Variants in CREB5 observed in about 807,000 individuals in gnomAD.
CREB5 encodes the protein cAMP responsive element binding protein 5, also known as cyclic AMP-responsive element-binding protein 5.
In CREB5, 19 loss-of-function variants were observed where a neutral mutation model predicts 57.1. The ratio of observed to expected loss-of-function variants is 0.33; its 90% CI spans 0.23 to 0.49. The LOEUF (loss-of-function observed/expected upper bound fraction) is 0.49. Among genes scored for constraint, CREB5 ranks in the 20% least tolerant of loss-of-function variants. The probability of loss-of-function intolerance (pLI) is 0.99; values close to 1 mark genes in which losing one functional copy is unlikely to be tolerated. For synonymous variants in CREB5, 238 were observed against 238.3 expected, an observed-to-expected ratio of 1.00 and a Z score of 0.01; for missense variants, 579 against 671.6, an observed-to-expected ratio of 0.86 and a Z score of 1.52.
chr7:28,571,918 G>A (rs1244317102), intron 5 of CREB5, among the ~76,000 whole-genome samples: 2 of 152,276 alleles, frequency 1.3e-5, no homozygotes, highest in South Asian at 2.1e-4. Context: ...GAGAAGGGGC[G>A]CTTGCTGTGT....
chr7:28,666,106 T>G (rs1799813031), intron 5 of CREB5, among the ~76,000 whole-genome samples: 1 of 152,134 alleles, frequency 6.6e-6, no homozygotes, highest in Non-Finnish European at 1.5e-5. Flanking sequence ...AAGGAGCGAT[T>G]GCCAAAAGTT....
At chr7:28,406,348 G>A (rs944311462) in intron 1 of CREB5, among the ~76,000 whole-genome samples, 1 of 152,162 alleles carries the variant, frequency 6.6e-6, no homozygotes, top group African/African-American at 2.4e-5. Flanking sequence ...GTCTCCCAGG[G>A]GTCTCATCTA....
intron 2 of CREB5, chr7:28,491,252 G>C (rs560817045): frequency 1.0e-6 from 1 of 985,356 alleles, no homozygotes; most frequent in Non-Finnish European, 1.2e-6. Flanking sequence ...AGAAACCAGT[G>C]AGACAGAAGG....
chr7:28,336,270 A>G lies in CREB5; in HGVS notation c.-25+36829A>G, dbSNP rs112444137. Reference sequence around the variant, plus strand: ...TTTCAGAACAGTTTAAGTAGGATTGATATTTAGACTTCTGTAAATGTTTGG... The same window carrying G: ...TTTCAGAACAGTTTAAGTAGGATTGGTATTTAGACTTCTGTAAATGTTTGG... On this transcript the variant is annotated intron_variant, in intron 1 of 9. Transcript: ENST00000396299. Among the ~76,000 whole-genome samples, 963 of 152,084 alleles carry G rather than the reference A, an allele frequency of 6.3e-3. 5 individuals are homozygous for G. The highest frequency in any genetic ancestry group is 0.022 in the African/African-American group (908 of 41,530).
At chr7:28,495,778 A>G (rs192901866) in intron 3 of CREB5, among the ~76,000 whole-genome samples, 22 of 152,356 alleles carry the variant, frequency 1.4e-4, no homozygotes, top group Non-Finnish European at 2.6e-4. Flanking sequence ...TGGTAGAATG[A>G]GCTCTCTTTC....
chr7:28,692,598 G>A (rs1279908837), intron 5 of CREB5, among the ~76,000 whole-genome samples: 1 of 152,098 alleles, frequency 6.6e-6, no homozygotes, highest in Non-Finnish European at 1.5e-5. Flanking sequence ...TATCTTCTCT[G>A]TAAATTGAGG....
At chr7:28,745,242 G>C (rs1304465271) in intron 7 of CREB5, among the ~76,000 whole-genome samples, 1 of 152,200 alleles carries the variant, frequency 6.6e-6, no homozygotes, top group Non-Finnish European at 1.5e-5. Context: ...GAAGTTGATT[G>C]AAAGTGTGAT....
At chr7:28,411,701 T>C (rs1208578559), upstream of CREB5, among the ~76,000 whole-genome samples, 1 of 152,202 alleles carries the variant, frequency 6.6e-6, no homozygotes, top group Non-Finnish European at 1.5e-5. Context: ...GAAAAGTTTA[T>C]ATTGCAAATA....
intron 5 of CREB5, among the ~76,000 whole-genome samples, chr7:28,652,499 C>T (rs577081198): frequency 1.3e-5 from 2 of 152,282 alleles, no homozygotes; most frequent in East Asian, 3.9e-4. Flanking sequence ...TGTATTGAAA[C>T]AGGTGGTAGA....
intron 1 of CREB5, among the ~76,000 whole-genome samples, chr7:28,458,324 G>A (rs924214300): frequency 9.2e-5 from 14 of 152,312 alleles, no homozygotes; most frequent in African/African-American, 3.4e-4. Flanking sequence ...GATTCCAAAT[G>A]TGGCTTGGTA....
intron 5 of CREB5, among the ~76,000 whole-genome samples, chr7:28,663,671 C>G (rs1043571529): frequency 2.6e-5 from 4 of 152,178 alleles, no homozygotes; most frequent in African/African-American, 9.6e-5. Flanking sequence ...GATCTCTTTT[C>G]TTTACACATA....
chr7:28,421,670 G>A (rs1214027305), intron 1 of CREB5, among the ~76,000 whole-genome samples: 2 of 151,700 alleles, frequency 1.3e-5, no homozygotes, highest in African/African-American at 2.4e-5. Context: ...GTAGAAAGCT[G>A]TATCATTCCA....
intron 4 of CREB5, among the ~76,000 whole-genome samples, chr7:28,537,529 A>G (rs756185893): frequency 3.3e-5 from 5 of 152,200 alleles, no homozygotes; most frequent in Admixed American, 6.5e-5. Context: ...AGCTGGGGTT[A>G]CTGGATGGAG....
At chr7:28,789,125 T>C (rs943958331) in intron 7 of CREB5, among the ~76,000 whole-genome samples, 3 of 152,198 alleles carry the variant, frequency 2.0e-5, no homozygotes, top group African/African-American at 4.8e-5. Flanking sequence ...CCTGACAAGA[T>C]AATTTTCTCA....
At chr7:28,314,390 C>T (rs960314991) in intron 1 of CREB5, among the ~76,000 whole-genome samples, 33 of 152,188 alleles carry the variant, frequency 2.2e-4, no homozygotes, top group African/African-American at 7.5e-4. Flanking sequence ...CATCCATCTT[C>T]ATCACTTGCT....
At chr7:28,642,963 CACACACACACACACACACACACAT>C (rs1354360689) in intron 5 of CREB5, among the ~76,000 whole-genome samples, 1,260 of 87,484 alleles carry the variant, frequency 0.014, 16 homozygotes, top group South Asian at 0.022. Context: ...CACACACACA[CACACACACACACACACACACACAT>C]ACACACACAC....
chr7:28,558,590 A>T (rs1794962545), intron 4 of CREB5, among the ~76,000 whole-genome samples: 1 of 152,180 alleles, frequency 6.6e-6, no homozygotes, highest in Admixed American at 6.5e-5. Context: ...TGCCCAACCA[A>T]TGCTCCAGGC....
At chr7:28,507,542 T>C in intron 3 of CREB5, 74 bp from the exon 4 acceptor site, 6 of 1,520,796 alleles carry the variant, frequency 3.9e-6, no homozygotes, top group Non-Finnish European at 5.3e-6. Context: ...AGGGGATTAG[T>C]GAATCTAGCT....
At chr7:28,528,534 G>A (rs1390533126) in intron 4 of CREB5, among the ~76,000 whole-genome samples, 2 of 151,900 alleles carry the variant, frequency 1.3e-5, no homozygotes, top group African/African-American at 4.8e-5. Context: ...GAGAAACCCT[G>A]TCTCTACTAA....
Sources: allele counts gnomAD v4.1 joint callset (sites outside exome capture counted in the v4.1 genomes callset), GRCh38; gene constraint gnomAD v4.1.1; transcripts MANE v1.5; gene names NCBI Gene and HGNC (gene_info 2026-07-23, HGNC 2026-07-21).